The following ASIC2 variants were observed in gnomAD, a reference collection of about 807,000 sequenced individuals.
The protein encoded by ASIC2 is acid-sensing ion channel 2.
A neutral mutation model predicts 57.3 loss-of-function variants in ASIC2; 25 were observed. The ratio of observed to expected loss-of-function variants is 0.44; its 90% confidence interval spans 0.32 to 0.61. ASIC2 has a LOEUF of 0.61. Ranked by LOEUF, ASIC2 falls within the 20% of genes least tolerant of loss-of-function variation. ASIC2 has a pLI of 0.06. For synonymous variants in ASIC2, 319 were observed against 307.5 expected, an observed-to-expected ratio of 1.04 and a Z score of -0.39; for missense variants, 641 against 738.1, an observed-to-expected ratio of 0.87 and a Z score of 1.52.
At chr17:34,072,144 C>G (rs1270895162) in intron 1 of ASIC2, 1 of 152,480 alleles carries the variant, frequency 6.6e-6, no homozygotes. Context: ...GGCGAGAAGT[C>G]CTTTCCCAGT....
At chr17:33,829,720 G>T (rs1472627876) in intron 1 of ASIC2, among the ~76,000 whole-genome samples, 1 of 151,844 alleles carries the variant, frequency 6.6e-6, no homozygotes, top group Non-Finnish European at 1.5e-5. Flanking sequence ...ACAGGCCACT[G>T]TGCCTGGCTA....
At chr17:34,040,257 C>T (rs1310987606) in intron 1 of ASIC2, among the ~76,000 whole-genome samples, 1 of 148,834 alleles carries the variant, frequency 6.7e-6, no homozygotes, top group African/African-American at 2.5e-5. Flanking sequence ...GCGCGGAGGG[C>T]GGGGGTGTCG....
chr17:33,925,366 C>T (rs1915802633), intron 1 of ASIC2, among the ~76,000 whole-genome samples: 1 of 152,242 alleles, frequency 6.6e-6, no homozygotes, highest in Admixed American at 6.5e-5. Context: ...ACCCAGAAAT[C>T]ACTGGACCAT....
intron 1 of ASIC2, among the ~76,000 whole-genome samples, chr17:33,324,456 G>A (rs1463089255): frequency 6.6e-6 from 1 of 152,122 alleles, no homozygotes; most frequent in East Asian, 1.9e-4. Flanking sequence ...TTGCCTGCCT[G>A]CTGGACTGTA....
chr17:33,816,548 GGCACT>G (rs1912587983), intron 1 of ASIC2, among the ~76,000 whole-genome samples: 1 of 152,106 alleles, frequency 6.6e-6, no homozygotes, highest in African/African-American at 2.4e-5. Flanking sequence ...AGGCCTGCTG[GGCACT>G]GCAACTAACT....
intron 1 of ASIC2, among the ~76,000 whole-genome samples, chr17:33,789,464 T>TCTCACACA (rs145766933): frequency 0.067 from 9,639 of 144,386 alleles, 377 homozygotes; most frequent in Middle Eastern, 0.11. Flanking sequence ...AGAATCATGG[T>TCTCACACA]CACACACACA....
At chr17:33,936,172 A>G (rs1916054895) in intron 1 of ASIC2, 2 of 152,274 alleles carry the variant, frequency 1.3e-5, no homozygotes, top group African/African-American at 4.8e-5. Context: ...ACCAAAGTGC[A>G]AGCTGAAAGT....
intron 1 of ASIC2, among the ~76,000 whole-genome samples, chr17:33,233,540 ACACACAC>A (rs1908186136): frequency 6.6e-6 from 1 of 151,530 alleles, no homozygotes; most frequent in African/African-American, 2.4e-5. Context: ...ACACACACAC[ACACACAC>A]ACACACACAC....
At chr17:33,593,777 C>A (rs1477210435) in intron 1 of ASIC2, among the ~76,000 whole-genome samples, 1 of 152,186 alleles carries the variant, frequency 6.6e-6, no homozygotes, top group Non-Finnish European at 1.5e-5. Context: ...TGAGAAAGAA[C>A]AAGCCTCAGA....
intron 1 of ASIC2, among the ~76,000 whole-genome samples, chr17:33,400,230 T>C (rs538378167): frequency 2.6e-5 from 4 of 152,338 alleles, no homozygotes; most frequent in African/African-American, 9.6e-5. Context: ...GCTGAGGTTC[T>C]CTGTGTGTGA....
chr17:33,433,647 G>A (rs1216789792), intron 1 of ASIC2, among the ~76,000 whole-genome samples: 1 of 152,188 alleles, frequency 6.6e-6, no homozygotes, highest in Non-Finnish European at 1.5e-5. Flanking sequence ...CTACTTGGGA[G>A]GCTGAGACAG....
At chr17:33,716,613 G>T (rs912137263) in intron 1 of ASIC2, among the ~76,000 whole-genome samples, 1 of 152,168 alleles carries the variant, frequency 6.6e-6, no homozygotes, top group Non-Finnish European at 1.5e-5. Flanking sequence ...TCCTAAAGAG[G>T]CCTCCCATGA....
chr17:33,377,901 T>C (rs1460485874), intron 1 of ASIC2, among the ~76,000 whole-genome samples: 1 of 152,240 alleles, frequency 6.6e-6, no homozygotes, highest in African/African-American at 2.4e-5. Flanking sequence ...CATGCTATTT[T>C]ATCAAAATAT....
At chr17:34,132,271 G>A (rs946887923) in intron 1 of ASIC2, among the ~76,000 whole-genome samples, 6 of 152,154 alleles carry the variant, frequency 3.9e-5, no homozygotes, top group Non-Finnish European at 7.3e-5. Context: ...TTTGTGGTGA[G>A]TGTTACAGCT....
intron 1 of ASIC2, among the ~76,000 whole-genome samples, chr17:34,041,040 A>T (rs183697751): frequency 6.6e-6 from 1 of 152,186 alleles, no homozygotes. Context: ...GCTCAGCTTA[A>T]TGGGGAAGTG....
At chr17:33,023,828 C>T (rs770414993) in intron 6 of ASIC2, 33 bp downstream of exon 6, 4 of 1,612,484 alleles carry the variant, frequency 2.5e-6, no homozygotes, top group South Asian at 1.1e-5. Context: ...CCAGTTCCCC[C>T]TTCCCCCTGC....
At chr17:33,395,532 CAT>C (rs1910045075) in intron 1 of ASIC2, among the ~76,000 whole-genome samples, 1 of 152,214 alleles carries the variant, frequency 6.6e-6, no homozygotes, top group African/African-American at 2.4e-5. Context: ...CCTCCCACAA[CAT>C]GTGGGAATTC....
chr17:34,040,175 A>C (rs1908067991), intron 1 of ASIC2, among the ~76,000 whole-genome samples: 1 of 119,572 alleles, frequency 8.4e-6, no homozygotes, highest in Non-Finnish European at 1.6e-5. Flanking sequence ...GACAAAGGCC[A>C]AGGGAGGCGC....
Position 33,365,095 on chromosome 17 carries a change from G to A in ASIC2, c.556-253028C>T, listed in dbSNP as rs114583175. On this transcript the variant is annotated intron_variant, in intron 1 of 9. Transcript: ENST00000359872. ...TCCTTTATCATTACCCCTCTGCTTC[G>A]GTGTGACCACAATGTTTCCTAAACA... Among the ~76,000 whole-genome samples, 1,404 of 152,122 alleles carry A rather than the reference G, an allele frequency of 9.2e-3. 25 individuals carry two copies. The highest frequency in any genetic ancestry group is 0.032 in the African/African-American group (1,334 of 41,490).
Sources: gnomAD v4.1 joint callset for allele counts (sites outside exome capture counted in the v4.1 genomes callset) on GRCh38, gnomAD v4.1.1 for gene constraint, MANE v1.5 for transcripts, NCBI Gene and HGNC (gene_info 2026-07-23, HGNC 2026-07-21) for gene names.